SGO2: variants seen among roughly 807,000 people sequenced by gnomAD.
SGO2 encodes shugoshin 2.
A neutral mutation model predicts 99.5 loss-of-function variants in SGO2; 68 were observed. That is an observed-to-expected ratio of 0.68 (90% CI 0.56 to 0.84). SGO2 has a LOEUF of 0.84. SGO2 is among the 40% of genes least tolerant of loss of function. The pLI is 0.00. For synonymous variants in SGO2, 457 were observed against 487.1 expected, an observed-to-expected ratio of 0.94 and a Z score of 0.81; for missense variants, 1,350 against 1,436.7, an observed-to-expected ratio of 0.94 and a Z score of 0.97.
intron 8 of SGO2, 48 bp downstream of exon 8, chr2:200,575,509 A>T (rs762604193): frequency 4.2e-6 from 6 of 1,427,992 alleles, no homozygotes; most frequent in Non-Finnish European, 5.7e-6. Context: ...ATATATCCTT[A>T]AAAAAATTTC....
chr2:200,553,469 CAG>C (rs1364147080), intron 5 of SGO2, among the ~76,000 whole-genome samples: 3 of 152,134 alleles, frequency 2.0e-5, no homozygotes, highest in South Asian at 2.1e-4. Context: ...CAGGAATAAG[CAG>C]AGTCAGTCTA....
intron 7 of SGO2, 44 bp from the exon 8 acceptor site, chr2:200,575,267 A>G (rs1477043248): frequency 5.4e-6 from 7 of 1,305,616 alleles, no homozygotes; most frequent in South Asian, 1.6e-5. Context: ...TTGTATCTCT[A>G]TATACTTTTT....
At chr2:200,574,521 T>TTA (rs1200854185) in intron 7 of SGO2, among the ~76,000 whole-genome samples, 1 of 152,106 alleles carries the variant, frequency 6.6e-6, no homozygotes, top group East Asian at 1.9e-4. Flanking sequence ...AGCACATGTA[T>TTA]TATGCTAAGG....
intron 4 of SGO2, among the ~76,000 whole-genome samples, chr2:200,536,812 C>T (rs183780632): frequency 1.2e-4 from 18 of 152,148 alleles, no homozygotes; most frequent in East Asian, 3.9e-4. Context: ...GTCATATAGA[C>T]GTACTGTTCT....
Position 200,556,848 on chromosome 2 carries a change from AC to A in SGO2, c.474-12814del, listed in dbSNP as rs534605130. 4.9e-3 allele frequency among the ~76,000 whole-genome samples: 741 copies of A among 152,290 alleles called. 5 individuals carry two copies. The highest frequency in any genetic ancestry group is 0.017 in the African/African-American group (698 of 41,544). Reference sequence around the variant, plus strand: ...GAGAGAGAGAGAGACAGAGACAGAGACAGAGAGACAGAGAGAGGGAGAGAGA... The same window carrying A: ...GAGAGAGAGAGAGACAGAGACAGAGAAGAGAGACAGAGAGAGGGAGAGAGA... On this transcript the variant is annotated intron_variant, in intron 5 of 8. Transcript: ENST00000357799.
chr2:200,555,489 C>A (rs1354880802), intron 5 of SGO2, among the ~76,000 whole-genome samples: 1 of 152,122 alleles, frequency 6.6e-6, no homozygotes, highest in Non-Finnish European at 1.5e-5. Context: ...TGCTACGGAA[C>A]AAGACAGTAC....
intron 5 of SGO2, among the ~76,000 whole-genome samples, chr2:200,548,598 AAAT>A (rs2032337873): frequency 6.6e-6 from 1 of 152,210 alleles, no homozygotes; most frequent in South Asian, 2.1e-4. Flanking sequence ...TTAGCAGAAG[AAAT>A]AATAACGATC....
intron 5 of SGO2, among the ~76,000 whole-genome samples, chr2:200,549,535 C>G (rs377133179): frequency 6.6e-6 from 1 of 152,114 alleles, no homozygotes; most frequent in African/African-American, 2.4e-5. Context: ...TTCAACAACA[C>G]ATTAAAAAGA....
chr2:200,537,517 T>C lies in SGO2; in HGVS notation c.387+1375T>C, dbSNP rs79280263. Among the ~76,000 whole-genome samples, 117 of 152,262 alleles carry C rather than the reference T, an allele frequency of 7.7e-4. 1 individual carries two copies. In the East Asian group the frequency reaches 0.022, roughly 29 times the overall value. On this transcript the variant is annotated intron_variant, in intron 4 of 8. Transcript: ENST00000357799. ...CCACGGATAATTCTTGGTTCTTCTATTGACTTCACATGACTTTTAGAATAC... is the reference window on the plus strand; with the variant it reads ...CCACGGATAATTCTTGGTTCTTCTACTGACTTCACATGACTTTTAGAATAC...
At position 200,583,653 on chromosome 2, in the gene SGO2, G is replaced by A; in HGVS notation, c.*189G>A. 1 of 380,966 alleles carries A rather than the reference G, an allele frequency of 2.6e-6. No individual in the cohort carries two copies. The highest frequency in any genetic ancestry group is 4.1e-5 in the East Asian group (1 of 24,622). 23.6% of individuals were successfully genotyped at this position (380,966 alleles called of 1,614,324 possible). ...TATATGTGCATAAAATAGCTATTTT[G>A]TAACATTAAACTTTTTGAGTCATTT... On this transcript the variant is annotated 3_prime_UTR_variant, in exon 9 of 9. Coordinates refer to ENST00000357799, the MANE Select transcript of SGO2 (RefSeq NM_152524.6).
intron 1 of SGO2, among the ~76,000 whole-genome samples, chr2:200,531,217 A>C (rs1430596627): frequency 6.6e-6 from 1 of 152,206 alleles, no homozygotes; most frequent in East Asian, 1.9e-4. Flanking sequence ...TATGGTATGT[A>C]GGTAATTGCA....
chr2:200,573,319 A>AT lies in SGO2; in HGVS notation c.2974dup (p.Cys992LeufsTer11), dbSNP rs1559218638. The AT allele has an allele frequency of 6.2e-7, 1 of 1,605,596 alleles. No homozygotes were observed. Among genetic ancestry groups the AT allele is most frequent in the Non-Finnish European group, 8.5e-7 (1 of 1,177,628 alleles). On this transcript the variant is annotated frameshift_variant, in exon 7 of 9. Coordinates refer to ENST00000357799, the MANE Select transcript of SGO2 (RefSeq NM_152524.6). LOFTEE classifies it high-confidence loss of function. ...TTAAAAAACGTAAGAAAGAATCATC[A>AT]TGCAAGGCAAAGAACATTTTGACAA...
At chr2:200,538,245 A>T (rs919870205) in intron 4 of SGO2, among the ~76,000 whole-genome samples, 2 of 151,690 alleles carry the variant, frequency 1.3e-5, no homozygotes, top group Admixed American at 6.6e-5. Context: ...CTCATTTGCT[A>T]CTCTCCTCTT....
rs116169039 is a variant in SGO2, at chr2:200,583,393, C to A, written c.3783-56C>A. On this transcript the variant is annotated intron_variant, in intron 8 of 8. Transcript: ENST00000357799. ...AAACAATTTTCTTCTCCATGCTTCA[C>A]AGCAAAAGCATTAATTTTGGGTTGT... 199 of 1,494,508 alleles carry A rather than the reference C, an allele frequency of 1.3e-4. No individual in the cohort carries two copies. In the African/African-American group the frequency reaches 2.4e-3, roughly 18 times the overall value. 92.6% of individuals were successfully genotyped at this position (1,494,508 alleles called of 1,614,324 possible).
At chr2:200,543,443 C>T (rs1184707629) in intron 5 of SGO2, 1 of 152,214 alleles carries the variant, frequency 6.6e-6, no homozygotes, top group Non-Finnish European at 1.5e-5. Flanking sequence ...GTCAGTGATG[C>T]TCAGAGAGGC....
rs921249055 is a variant in SGO2, at chr2:200,573,195, A to C, written c.2849A>C (p.Gln950Pro). Residue 950 changes from glutamine (Q) to proline (P), a missense_variant, in exon 7 of 9, where the codon CAA becomes CCA. Physicochemically the swap from Gln to Pro is moderately conservative, Grantham distance 76 (BLOSUM62 -1). Transcript: ENST00000357799. The part of the protein sequence containing the change: ...DLDFKVNKSK[Q>P]KLECQDIINK... ...GATTTTAAAGTAAATAAATCTAAAC[A>C]AAAACTTGAATGCCAAGACATTATC... is the stretch of plus-strand genomic sequence containing the variant. 3 of 1,577,734 alleles carry C rather than the reference A, an allele frequency of 1.9e-6. No individual in the cohort carries two copies. The African/African-American group carries it at 4.1e-5, about 22-fold the overall frequency.
Position 200,571,047 on chromosome 2 carries a change from T to C in SGO2, c.704-3T>C. On this transcript the variant is annotated splice_polypyrimidine_tract_variant and splice_region_variant and intron_variant, in intron 6 of 8. Transcript: ENST00000357799. The stretch of plus-strand genomic sequence containing the variant: ...CTGAGTTTTGTTTTCCTTTTCTTAA[T>C]AGAAAGCCATTCCCACTCAGACCAA... 1 of 1,543,132 alleles carries C rather than the reference T, an allele frequency of 6.5e-7. No individual in the cohort carries two copies. Among genetic ancestry groups the C allele is most frequent in the South Asian group, 1.2e-5 (1 of 80,262 alleles).
At chr2:200,559,733 G>T (rs1020120216) in intron 5 of SGO2, among the ~76,000 whole-genome samples, 1 of 151,852 alleles carries the variant, frequency 6.6e-6, no homozygotes, top group Non-Finnish European at 1.5e-5. Context: ...TAGATTCACG[G>T]TTTTTGATAT....
intron 5 of SGO2, among the ~76,000 whole-genome samples, chr2:200,561,511 A>G (rs1005438564): frequency 2.0e-5 from 3 of 152,222 alleles, no homozygotes; most frequent in Non-Finnish European, 2.9e-5. Context: ...TAGTGCTGCA[A>G]TAAACATACG....
Sources: allele counts gnomAD v4.1 joint callset (sites outside exome capture counted in the v4.1 genomes callset), GRCh38; gene constraint gnomAD v4.1.1; transcripts MANE v1.5; gene names NCBI Gene and HGNC (gene_info 2026-07-23, HGNC 2026-07-21).